Variants in CHCHD6 observed in about 807,000 individuals in gnomAD.
The protein encoded by CHCHD6 is coiled-coil-helix-coiled-coil-helix domain containing 6.
In CHCHD6, 28 loss-of-function variants were observed where a neutral mutation model predicts 32.3. The ratio of observed to expected loss-of-function variants is 0.87; its 90% CI spans 0.64 to 1.19. CHCHD6 has a LOEUF of 1.19. Ranked by LOEUF, CHCHD6 falls within the 50% of genes most tolerant of loss-of-function variation. The pLI is 0.00. For synonymous variants in CHCHD6, 122 were observed against 117.5 expected (o/e 1.04, Z -0.25); for missense variants, 333 against 307.0 (o/e 1.08, Z -0.63).
intron 4 of CHCHD6, chr3:126,780,282 CT>C: frequency 1.5e-5 from 6 of 404,168 alleles, no homozygotes; most frequent in Admixed American, 5.9e-5. Flanking sequence ...TTTCTCCCAC[CT>C]TTTGTTTTTA....
intron 4 of CHCHD6, among the ~76,000 whole-genome samples, chr3:126,791,726 C>T (rs1238453796): frequency 6.6e-6 from 1 of 152,246 alleles, no homozygotes; most frequent in African/African-American, 2.4e-5. Flanking sequence ...TCTCCTGCCT[C>T]AGCCTCCCAA....
At chr3:126,904,963 G>A (rs2077984439) in intron 5 of CHCHD6, among the ~76,000 whole-genome samples, 1 of 152,196 alleles carries the variant, frequency 6.6e-6, no homozygotes, top group Non-Finnish European at 1.5e-5. Context: ...AGGATGTGAG[G>A]TGATGAGGCA....
chr3:126,911,211 C>T (rs2078085788), intron 5 of CHCHD6, among the ~76,000 whole-genome samples: 1 of 152,120 alleles, frequency 6.6e-6, no homozygotes, highest in African/African-American at 2.4e-5. Flanking sequence ...GCCACCATCT[C>T]AGAGCTCCAC....
Position 126,790,136 on chromosome 3 carries a change from A to C in CHCHD6, c.411+56914A>C, listed in dbSNP as rs1405424063. Among the ~76,000 whole-genome samples the C allele has an allele frequency of 8.8e-4, 134 of 152,098 alleles. 5 individuals are homozygous for C. The highest frequency in any genetic ancestry group is 8.8e-3 in the Admixed American group (134 of 15,268). On this transcript the variant is annotated intron_variant, in intron 4 of 7. Coordinates refer to ENST00000290913, the MANE Select transcript of CHCHD6 (RefSeq NM_032343.3). ...GGGTTGAAAATTCTTTTCTTTAAGA[A>C]TGTTGAATATCGGCCCCCACTCTCT... is the stretch of plus-strand genomic sequence containing the variant.
At chr3:126,713,859 G>A (rs1166086096) in intron 1 of CHCHD6, among the ~76,000 whole-genome samples, 2 of 151,972 alleles carry the variant, frequency 1.3e-5, no homozygotes, top group African/African-American at 4.8e-5. Context: ...TTTAAAAGTT[G>A]GGAGGCTTTA....
chr3:126,824,031 C>T (rs978174891), intron 4 of CHCHD6, among the ~76,000 whole-genome samples: 1 of 152,010 alleles, frequency 6.6e-6, no homozygotes, highest in African/African-American at 2.4e-5. Flanking sequence ...GCTATAATCG[C>T]CACACCACTG....
At chr3:126,939,819 CA>C (rs1256084842) in intron 6 of CHCHD6, among the ~76,000 whole-genome samples, 3 of 152,174 alleles carry the variant, frequency 2.0e-5, no homozygotes, top group Non-Finnish European at 4.4e-5. Context: ...CCTTCTCAGT[CA>C]AAAAATATTC....
chr3:126,774,498 A>G (rs1937600339), intron 4 of CHCHD6, among the ~76,000 whole-genome samples: 1 of 152,208 alleles, frequency 6.6e-6, no homozygotes, highest in African/African-American at 2.4e-5. Flanking sequence ...TATTACTTGT[A>G]AATTCCTGGA....
intron 6 of CHCHD6, among the ~76,000 whole-genome samples, chr3:126,927,824 A>T (rs2078346843): frequency 6.6e-6 from 1 of 151,924 alleles, no homozygotes; most frequent in Admixed American, 6.6e-5. Flanking sequence ...TTGCTGTTAG[A>T]TTTATTTTCT....
At chr3:126,939,496 G>A (rs1008244236) in intron 6 of CHCHD6, among the ~76,000 whole-genome samples, 1 of 152,204 alleles carries the variant, frequency 6.6e-6, no homozygotes, top group Non-Finnish European at 1.5e-5. Context: ...GTTTGTGTGT[G>A]TGCCTGTGTG....
At chr3:126,783,135 T>C (rs544821628) in intron 4 of CHCHD6, among the ~76,000 whole-genome samples, 11 of 152,336 alleles carry the variant, frequency 7.2e-5, no homozygotes, top group African/African-American at 2.6e-4. Context: ...CCTTTGTTTC[T>C]CTAAGTTCTA....
intron 5 of CHCHD6, among the ~76,000 whole-genome samples, chr3:126,861,367 T>G (rs73203698): frequency 0.093 from 14,175 of 152,078 alleles, 852 homozygotes; most frequent in Middle Eastern, 0.21. Flanking sequence ...TACTCCTTAC[T>G]GAACTTCACT....
chr3:126,846,586 A>G (rs945774027), intron 4 of CHCHD6, among the ~76,000 whole-genome samples: 3 of 152,274 alleles, frequency 2.0e-5, no homozygotes, highest in Non-Finnish European at 4.4e-5. Flanking sequence ...TCTACAAGGA[A>G]TCCTGAATAA....
At chr3:126,886,207 T>C (rs1323447818) in intron 5 of CHCHD6, among the ~76,000 whole-genome samples, 3 of 152,232 alleles carry the variant, frequency 2.0e-5, no homozygotes, top group African/African-American at 7.2e-5. Flanking sequence ...CAAACTTTTA[T>C]AGATATAAAG....
intron 4 of CHCHD6, among the ~76,000 whole-genome samples, chr3:126,841,371 A>G (rs569839738): frequency 1.9e-4 from 29 of 152,064 alleles, no homozygotes; most frequent in African/African-American, 6.5e-4. Context: ...GACCACGGTC[A>G]CTCAAGTAGG....
In CHCHD6 at chr3:126,773,345, T is replaced by G. The variant is rs190555182; in HGVS notation, c.411+40123T>G. On this transcript the variant is annotated intron_variant, in intron 4 of 7. Coordinates refer to ENST00000290913, the MANE Select transcript of CHCHD6 (RefSeq NM_032343.3). ...GTCCTTCAGGCAGCCGTCAGACAGGTTAGAACAGATGCACACAATAATTTA... is the reference window on the plus strand; with the variant it reads ...GTCCTTCAGGCAGCCGTCAGACAGGGTAGAACAGATGCACACAATAATTTA... Among the ~76,000 whole-genome samples the G allele has an allele frequency of 2.7e-3, 414 of 152,246 alleles. 3 individuals carry two copies. The highest frequency in any genetic ancestry group is 0.019 in the South Asian group (91 of 4,820).
At chr3:126,759,738 A>C (rs1294238179) in intron 4 of CHCHD6, among the ~76,000 whole-genome samples, 2 of 152,188 alleles carry the variant, frequency 1.3e-5, no homozygotes, top group Admixed American at 6.5e-5. Context: ...GCACCATTAA[A>C]TTTGATTACT....
intron 1 of CHCHD6, among the ~76,000 whole-genome samples, chr3:126,712,950 T>G (rs1277303314): frequency 1.3e-5 from 2 of 152,228 alleles, no homozygotes; most frequent in Non-Finnish European, 2.9e-5. Flanking sequence ...CAGTCCTTCA[T>G]CCGGAAAGCT....
chr3:126,707,150 C>A (rs1576319222), intron 1 of CHCHD6, among the ~76,000 whole-genome samples: 1 of 151,806 alleles, frequency 6.6e-6, no homozygotes, highest in African/African-American at 2.4e-5. Flanking sequence ...ACCTGTACAC[C>A]CAGCTACTTG....
Sources: allele counts gnomAD v4.1 joint callset (sites outside exome capture counted in the v4.1 genomes callset), GRCh38; gene constraint gnomAD v4.1.1; transcripts MANE v1.5; gene names NCBI Gene and HGNC (gene_info 2026-07-23, HGNC 2026-07-21).